The following SH2D4A variants were observed in gnomAD, a reference collection of about 807,000 sequenced individuals.
The protein encoded by SH2D4A is SH2 domain containing 4A, also known as SH2 domain-containing protein 4A.
Under a neutral mutation model 64.7 loss-of-function variants are expected in SH2D4A, and 70 were observed. The observed-to-expected ratio is 1.08, with a 90% confidence interval of 0.89 to 1.32. The LOEUF is 1.32. SH2D4A is among the 40% of genes most tolerant of loss of function. The pLI, the probability that SH2D4A is intolerant of heterozygous loss-of-function variation, is 0.00. For missense variants in SH2D4A, 706 were observed against 540.1 expected, an observed-to-expected ratio of 1.31 and a Z score of -3.04; for synonymous variants, 268 against 200.7, an observed-to-expected ratio of 1.34 and a Z score of -2.83.
chr8:19,359,724 A>AGT (rs200893636), intron 5 of SH2D4A, among the ~76,000 whole-genome samples: 3,972 of 152,338 alleles, frequency 0.026, 152 homozygotes, highest in African/African-American at 0.09. Flanking sequence ...GTAAATGCAC[A>AGT]GAAGTTTAGT....
At chr8:19,328,599 C>T (rs2052321325) in intron 2 of SH2D4A, among the ~76,000 whole-genome samples, 1 of 152,156 alleles carries the variant, frequency 6.6e-6, no homozygotes, top group African/African-American at 2.4e-5. Context: ...CATTCTCTCC[C>T]CAAATGCTGA....
intron 2 of SH2D4A, among the ~76,000 whole-genome samples, chr8:19,323,241 G>T (rs2052221738): frequency 6.6e-6 from 1 of 152,010 alleles, no homozygotes; most frequent in African/African-American, 2.4e-5. Flanking sequence ...TGCTATACAT[G>T]TAAACTACCG....
At chr8:19,332,691 CAAAAAAAAAAAAAA>C (rs58695585) in intron 2 of SH2D4A, among the ~76,000 whole-genome samples, 2 of 81,746 alleles carry the variant, frequency 2.4e-5, no homozygotes, top group African/African-American at 6.8e-5. Flanking sequence ...GTGAGACTGT[CAAAAAAAAAAAAAA>C]AAAAAAAAGC....
At chr8:19,341,244 G>T (rs2052524327) in intron 4 of SH2D4A, among the ~76,000 whole-genome samples, 1 of 152,198 alleles carries the variant, frequency 6.6e-6, no homozygotes, top group Non-Finnish European at 1.5e-5. Flanking sequence ...ATGCAATTCA[G>T]ATTTGCACAG....
chr8:19,391,924 G>C (rs949599910), intron 8 of SH2D4A, among the ~76,000 whole-genome samples: 2 of 152,198 alleles, frequency 1.3e-5, no homozygotes, highest in African/African-American at 4.8e-5. Flanking sequence ...GCCAACAAGA[G>C]AAGGCAAGAG....
intron 8 of SH2D4A, 26 bp downstream of exon 8, chr8:19,373,686 T>G (rs747726133): frequency 1.9e-6 from 3 of 1,610,012 alleles, no homozygotes; most frequent in Admixed American, 1.7e-5. Context: ...TCCTCAATGG[T>G]GTTTCGTCTT....
At chr8:19,363,819 C>G (rs183268628) in intron 6 of SH2D4A, 3 of 513,594 alleles carry the variant, frequency 5.8e-6, no homozygotes, top group Non-Finnish European at 1.0e-5. Flanking sequence ...CTCTCTCATC[C>G]CTTCTTCCTC....
chr8:19,345,631 A>G (rs2052600845), intron 4 of SH2D4A, among the ~76,000 whole-genome samples: 1 of 152,184 alleles, frequency 6.6e-6, no homozygotes, highest in Admixed American at 6.5e-5. Context: ...GAGACTCAAA[A>G]CATATCTTTT....
chr8:19,343,494 G>GA (rs934058980), intron 4 of SH2D4A, among the ~76,000 whole-genome samples: 6 of 150,278 alleles, frequency 4.0e-5, no homozygotes, highest in Admixed American at 3.3e-4. Flanking sequence ...GTTTTTGGTG[G>GA]AAAAAAAAAG....
intron 7 of SH2D4A, among the ~76,000 whole-genome samples, chr8:19,369,027 G>A (rs770101249): frequency 3.9e-4 from 60 of 151,958 alleles, no homozygotes; most frequent in Non-Finnish European, 5.7e-4. Context: ...GTGTTTAAAG[G>A]TTTTATCATG....
At chr8:19,371,407 A>G (rs1160024664) in intron 7 of SH2D4A, among the ~76,000 whole-genome samples, 3 of 150,984 alleles carry the variant, frequency 2.0e-5, no homozygotes, top group African/African-American at 7.3e-5. Context: ...TTTCTGGCCT[A>G]TACGGTTTCT....
intron 8 of SH2D4A, among the ~76,000 whole-genome samples, chr8:19,382,929 C>T (rs569344829): frequency 7.1e-6 from 1 of 141,702 alleles, no homozygotes; most frequent in East Asian, 2.3e-4. Flanking sequence ...CTCCCAGGTT[C>T]AAGCAATTCT....
At position 19,394,572 on chromosome 8, in the gene SH2D4A, G is replaced by C; in HGVS notation, c.1295G>C (p.Gly432Ala). The change falls in exon 10 of 10, where the codon GGG becomes GCG. Residue 432 changes from glycine to alanine, a missense_variant. Gly to Ala is a moderately conservative substitution (Grantham distance 60). Coordinates refer to ENST00000265807, the MANE Select transcript of SH2D4A (RefSeq NM_022071.4). ...CAGGAGGAACCCATCACTTCCCTGGGGAAGGAGCTCCTTCTCTATCCCTGT... is the reference window on the plus strand; with the variant it reads ...CAGGAGGAACCCATCACTTCCCTGGCGAAGGAGCTCCTTCTCTATCCCTGT... Reference protein sequence around the residue: ...YHKEEPITSLGKELLLYPCGQ... With the variant: ...YHKEEPITSLAKELLLYPCGQ... 2 of 1,607,308 alleles carry C rather than the reference G, an allele frequency of 1.2e-6. No homozygotes were observed. The highest frequency in any genetic ancestry group is 8.5e-7 in the Non-Finnish European group (1 of 1,176,280).
chr8:19,354,375 A>C (rs1359498498), intron 4 of SH2D4A, among the ~76,000 whole-genome samples: 1 of 152,192 alleles, frequency 6.6e-6, no homozygotes, highest in East Asian at 1.9e-4. Context: ...CAAAACCTAA[A>C]ATTTCAAAGA....
At chr8:19,339,495 C>CTT (rs5889867) in intron 4 of SH2D4A, among the ~76,000 whole-genome samples, 20,347 of 128,718 alleles carry the variant, frequency 0.16, 2,171 homozygotes, top group African/African-American at 0.27. Flanking sequence ...TATAAACTTT[C>CTT]TTTTTTTTTT....
intron 8 of SH2D4A, among the ~76,000 whole-genome samples, chr8:19,387,857 G>A (rs997198315): frequency 2.0e-5 from 3 of 152,214 alleles, no homozygotes; most frequent in Middle Eastern, 3.2e-3. Context: ...ATGAAGAACT[G>A]TGTGGCACAT....
chr8:19,334,418 G>C (rs1329220629), intron 3 of SH2D4A, among the ~76,000 whole-genome samples: 3 of 152,182 alleles, frequency 2.0e-5, no homozygotes, highest in Admixed American at 6.5e-5. Context: ...TCAGATCTTG[G>C]CTGTACCACT....
chr8:19,322,389 A>G (rs2052206776), intron 2 of SH2D4A, among the ~76,000 whole-genome samples: 1 of 152,086 alleles, frequency 6.6e-6, no homozygotes, highest in African/African-American at 2.4e-5. Context: ...GCTTTTTCTT[A>G]GCAGTTCTTA....
In SH2D4A at chr8:19,322,566, A is replaced by G. The variant is rs2052209793; in HGVS notation, c.181+2838A>G. Among the ~76,000 whole-genome samples, 2 of 149,772 alleles carry G rather than the reference A, an allele frequency of 1.3e-5. 1 individual carries two copies. Among genetic ancestry groups the G allele is most frequent in the South Asian group, 4.3e-4 (2 of 4,700 alleles). ...CTGTGCTTAGTGTTTGGGGATCATC[A>G]CTAAAATTGTTGTGTATTGTGCATC... On this transcript the variant is annotated intron_variant, in intron 2 of 9. Transcript: ENST00000265807.
Sources: gnomAD v4.1 joint callset for allele counts (sites outside exome capture counted in the v4.1 genomes callset) on GRCh38, gnomAD v4.1.1 for gene constraint, MANE v1.5 for transcripts, NCBI Gene and HGNC (gene_info 2026-07-23, HGNC 2026-07-21) for gene names.